Variants in SDK1 observed in about 807,000 individuals in gnomAD.
SDK1 encodes sidekick cell adhesion molecule 1, also known as protein sidekick-1.
A neutral mutation model predicts 245.5 loss-of-function variants in SDK1; 157 were observed. The ratio of observed to expected loss-of-function variants is 0.64; its 90% confidence interval spans 0.56 to 0.73. The LOEUF (loss-of-function observed/expected upper bound fraction) is 0.73, where lower values mean the gene tolerates loss of function less well. Among genes scored for constraint, SDK1 ranks in the 30% least tolerant of loss-of-function variants. The pLI is 0.00. For missense variants in SDK1, 3,583 were observed against 3,002.3 expected (o/e 1.19, Z -4.52); for synonymous variants, 1,647 against 1,278.5 (o/e 1.29, Z -6.15).
chr7:3,493,205 C>A (rs1021545938), intron 1 of SDK1, among the ~76,000 whole-genome samples: 1 of 152,136 alleles, frequency 6.6e-6, no homozygotes, highest in Non-Finnish European at 1.5e-5. Context: ...CACACCTCGG[C>A]CTCCCAAAGT....
intron 20 of SDK1, among the ~76,000 whole-genome samples, chr7:4,069,570 G>C (rs1780116650): frequency 1.3e-5 from 2 of 152,206 alleles, no homozygotes; most frequent in Non-Finnish European, 2.9e-5. Context: ...GGGAGCCATG[G>C]AATTCAAGTG....
chr7:3,612,587 TCC>T (rs1781627213), intron 1 of SDK1, among the ~76,000 whole-genome samples: 1 of 152,192 alleles, frequency 6.6e-6, no homozygotes, highest in African/African-American at 2.4e-5. Context: ...CTTTTGTTTC[TCC>T]CTGGAATTTG....
chr7:3,639,888 C>G (rs962164366), intron 3 of SDK1, among the ~76,000 whole-genome samples: 2 of 152,002 alleles, frequency 1.3e-5, no homozygotes, highest in Admixed American at 6.6e-5. Flanking sequence ...CTATCTCTGT[C>G]TCTCAGGCTG....
intron 30 of SDK1, among the ~76,000 whole-genome samples, chr7:4,149,863 G>A (rs539330994): frequency 3.2e-4 from 48 of 152,134 alleles, no homozygotes; most frequent in Non-Finnish European, 6.3e-4. Flanking sequence ...CTGGAGGGAC[G>A]TTGCGTCCCC....
chr7:4,183,859 T>C (rs1320382528), intron 35 of SDK1, among the ~76,000 whole-genome samples: 1 of 152,136 alleles, frequency 6.6e-6, no homozygotes, highest in Non-Finnish European at 1.5e-5. Flanking sequence ...AGGTCTCTGC[T>C]CCACCCCACC....
intron 1 of SDK1, among the ~76,000 whole-genome samples, chr7:3,348,511 A>T (rs1272605771): frequency 2.6e-5 from 4 of 152,088 alleles, no homozygotes; most frequent in African/African-American, 9.7e-5. Flanking sequence ...GTGCATATGG[A>T]CATAAAGATG....
chr7:4,234,098 C>T lies in SDK1; in HGVS notation c.5992+679C>T, dbSNP rs909755128. Among the ~76,000 whole-genome samples the T allele has an allele frequency of 1.2e-4, 18 of 152,278 alleles. No homozygotes were observed. In the East Asian group the frequency reaches 3.1e-3, roughly 26 times the overall value. On this transcript the variant is annotated intron_variant, in intron 41 of 44. Transcript: ENST00000404826. ...ACCCCGGCAGCTATGGGGGAGCCCA[C>T]GAGTGCCTGACAAGAGGTCACGTCT...
chr7:3,957,066 G>A (rs540810637), intron 7 of SDK1, among the ~76,000 whole-genome samples: 18 of 152,108 alleles, frequency 1.2e-4, no homozygotes, highest in African/African-American at 4.3e-4. Flanking sequence ...CATGAAGAGT[G>A]AAAAAAATAG....
At chr7:3,475,593 T>C (rs1781327176) in intron 1 of SDK1, among the ~76,000 whole-genome samples, 1 of 152,204 alleles carries the variant, frequency 6.6e-6, no homozygotes. Flanking sequence ...TGGAAAGAAA[T>C]TATTTCTCAT....
chr7:4,014,689 G>T (rs1397329263), intron 16 of SDK1, among the ~76,000 whole-genome samples: 1 of 152,184 alleles, frequency 6.6e-6, no homozygotes, highest in African/African-American at 2.4e-5. Context: ...TCTTTGAGAG[G>T]AGCATAGGGG....
chr7:4,177,848 C>A (rs1335295430), intron 34 of SDK1, among the ~76,000 whole-genome samples: 1 of 152,208 alleles, frequency 6.6e-6, no homozygotes, highest in Non-Finnish European at 1.5e-5. Context: ...TGTTTTCCTG[C>A]AACTAGACGG....
intron 4 of SDK1, among the ~76,000 whole-genome samples, chr7:3,755,680 C>CTG (rs1583379370): frequency 1.3e-5 from 2 of 152,230 alleles, no homozygotes; most frequent in East Asian, 3.9e-4. Flanking sequence ...TCCCCCCAAC[C>CTG]CCTCACCCCA....
intron 4 of SDK1, among the ~76,000 whole-genome samples, chr7:3,689,494 G>C (rs916057063): frequency 1.1e-4 from 17 of 152,282 alleles, no homozygotes; most frequent in African/African-American, 4.1e-4. Context: ...ACTGGCTCTG[G>C]ATTCCCTACG....
chr7:3,562,127 TGGG>T (rs1490225010), intron 1 of SDK1, among the ~76,000 whole-genome samples: 3 of 152,208 alleles, frequency 2.0e-5, no homozygotes, highest in Non-Finnish European at 4.4e-5. Context: ...AGTGTTCACC[TGGG>T]GAATAGAACT....
intron 11 of SDK1, among the ~76,000 whole-genome samples, chr7:3,970,925 C>T (rs931374411): frequency 6.6e-6 from 1 of 152,216 alleles, no homozygotes; most frequent in Non-Finnish European, 1.5e-5. Flanking sequence ...ACCCATCGCA[C>T]AGGCAAGCTG....
chr7:3,574,496 A>C (rs950234460), intron 1 of SDK1, among the ~76,000 whole-genome samples: 6 of 152,004 alleles, frequency 3.9e-5, no homozygotes, highest in Admixed American at 2.0e-4. Context: ...GTTTAAGGTA[A>C]CCAACGGGGC....
chr7:3,758,666 T>A (rs1198328416), intron 4 of SDK1, among the ~76,000 whole-genome samples: 6 of 152,196 alleles, frequency 3.9e-5, no homozygotes, highest in Non-Finnish European at 5.9e-5. Context: ...TCCTCCAGCC[T>A]TGTTCTGTGT....
At chr7:3,979,315 C>T (rs1390464347) in intron 13 of SDK1, among the ~76,000 whole-genome samples, 1 of 152,214 alleles carries the variant, frequency 6.6e-6, no homozygotes, top group South Asian at 2.1e-4. Flanking sequence ...TTCTTACCAT[C>T]TTATACTAGA....
intron 17 of SDK1, among the ~76,000 whole-genome samples, chr7:4,042,439 A>T (rs1168565481): frequency 7.3e-6 from 1 of 137,004 alleles, no homozygotes; most frequent in East Asian, 2.0e-4. Context: ...GGCTGTGAGC[A>T]TCAAGACAGT....
Sources: gnomAD v4.1 joint callset for allele counts (sites outside exome capture counted in the v4.1 genomes callset) on GRCh38, gnomAD v4.1.1 for gene constraint, MANE v1.5 for transcripts, NCBI Gene and HGNC (gene_info 2026-07-23, HGNC 2026-07-21) for gene names.